Variants in HTR1E observed in about 807,000 individuals in gnomAD.
HTR1E encodes the protein 5-HT-1E.
Under a neutral mutation model 3.4 loss-of-function variants are expected in HTR1E, and 3 were observed. The observed-to-expected ratio is 0.89, with a 90% CI of 0.41 to 2.31. The LOEUF (loss-of-function observed/expected upper bound fraction) is 2.31. Ranked by LOEUF, HTR1E falls within the 30% of genes most tolerant of loss-of-function variation. HTR1E has a pLI of 0.05. For missense variants in HTR1E, 392 were observed against 467.0 expected (o/e 0.84, Z 1.48); for synonymous variants, 170 against 182.8 (o/e 0.93, Z 0.56).
intron 1 of HTR1E, among the ~76,000 whole-genome samples, chr6:87,001,116 T>C (rs1311908075): frequency 6.6e-6 from 1 of 152,166 alleles, no homozygotes; most frequent in Non-Finnish European, 1.5e-5. Flanking sequence ...AAGGGATTAT[T>C]TGCCAGCCTC....
Position 87,016,536 on chromosome 6 carries a change from T to C in HTR1E, c.*104T>C, listed in dbSNP as rs935072109. ...TTGAACATACTTGGTTCAGGAGAGT[T>C]TGTAAGTATGTGTGGTCTTGTTTCC... On this transcript the variant is annotated 3_prime_UTR_variant, in exon 2 of 2. Transcript: ENST00000305344. 9.5e-6 allele frequency: 9 copies of C among 944,824 alleles called. No individual in the cohort carries two copies. The highest frequency in any genetic ancestry group is 1.3e-5 in the Non-Finnish European group (8 of 630,858). 58.5% of individuals were successfully genotyped at this position (944,824 alleles called of 1,614,324 possible). A position where few individuals can be genotyped will look rare whatever the true frequency, so the allele number is the denominator to read the frequency against.
At chr6:86,977,553 A>G (rs1050843595) in intron 1 of HTR1E, among the ~76,000 whole-genome samples, 1 of 152,224 alleles carries the variant, frequency 6.6e-6, no homozygotes, top group African/African-American at 2.4e-5. Context: ...ATACCTAATA[A>G]TGGGATTGCT....
chr6:86,940,669 T>G (rs1039797580), intron 1 of HTR1E, among the ~76,000 whole-genome samples: 1 of 152,244 alleles, frequency 6.6e-6, no homozygotes, highest in Non-Finnish European at 1.5e-5. Flanking sequence ...AGATCATTTT[T>G]TTCATGTTTG....
chr6:86,971,206 A>T, intron 1 of HTR1E: 2 of 380,856 alleles, frequency 5.3e-6, no homozygotes, highest in Non-Finnish European at 5.0e-6. Context: ...GTCTACCATG[A>T]TTATTTTTAT....
At chr6:86,995,665 C>CAAAAAAAAAAAAAA (rs60134206) in intron 1 of HTR1E, among the ~76,000 whole-genome samples, 16 of 36,686 alleles carry the variant, frequency 4.4e-4, no homozygotes, top group Admixed American at 1.4e-3. Flanking sequence ...GACTCCATCT[C>CAAAAAAAAAAAAAA]AAAAAAAAAA....
chr6:87,014,052 T>A (rs1387609226), intron 1 of HTR1E, among the ~76,000 whole-genome samples: 2 of 151,990 alleles, frequency 1.3e-5, no homozygotes, highest in South Asian at 4.2e-4. Context: ...TAGGTGGGAA[T>A]TGAACAATGA....
chr6:86,958,876 T>A (rs1362305725), intron 1 of HTR1E, among the ~76,000 whole-genome samples: 2 of 151,604 alleles, frequency 1.3e-5, no homozygotes, highest in Non-Finnish European at 2.9e-5. Flanking sequence ...TTGGCCCAGC[T>A]CCCACACAGC....
At chr6:86,949,633 A>G (rs1767195954) in intron 1 of HTR1E, among the ~76,000 whole-genome samples, 1 of 152,168 alleles carries the variant, frequency 6.6e-6, no homozygotes. Flanking sequence ...GATTTAAGTT[A>G]CTAGCAATAA....
chr6:86,965,285 G>T (rs1233816396), intron 1 of HTR1E, among the ~76,000 whole-genome samples: 1 of 152,070 alleles, frequency 6.6e-6, no homozygotes, highest in Non-Finnish European at 1.5e-5. Context: ...TGATAATGAG[G>T]CTCTCACTCC....
intron 1 of HTR1E, among the ~76,000 whole-genome samples, chr6:86,999,529 G>A (rs1305353942): frequency 6.6e-6 from 1 of 152,134 alleles, no homozygotes; most frequent in Non-Finnish European, 1.5e-5. Context: ...CCATGTGACT[G>A]ACTAAGCCAC....
At chr6:87,002,647 G>C (rs1051344065) in intron 1 of HTR1E, among the ~76,000 whole-genome samples, 8 of 152,276 alleles carry the variant, frequency 5.3e-5, no homozygotes, top group African/African-American at 1.9e-4. Context: ...TAGACACAGA[G>C]TGCTGATCGG....
At chr6:87,000,013 G>C (rs2127829944) in intron 1 of HTR1E, 1 of 159,216 alleles carries the variant, frequency 6.3e-6, no homozygotes, top group East Asian at 1.7e-4. Flanking sequence ...AGATGGGCTG[G>C]GGTGCTGCTC....
At chr6:86,962,989 A>G (rs532297179) in intron 1 of HTR1E, among the ~76,000 whole-genome samples, 1 of 152,320 alleles carries the variant, frequency 6.6e-6, no homozygotes, top group South Asian at 2.1e-4. Flanking sequence ...CATTAAAAAA[A>G]TGTTAACTGA....
chr6:86,958,389 A>G (rs1767355012), intron 1 of HTR1E, among the ~76,000 whole-genome samples: 1 of 152,114 alleles, frequency 6.6e-6, no homozygotes, highest in African/African-American at 2.4e-5. Flanking sequence ...GCTCCTCACA[A>G]TGACCCCAAA....
intron 1 of HTR1E, among the ~76,000 whole-genome samples, chr6:87,010,086 G>A (rs535134586): frequency 1.5e-5 from 2 of 132,816 alleles, no homozygotes; most frequent in African/African-American, 5.9e-5. Flanking sequence ...CCTCCCGGAC[G>A]GGGTGGCTGG....
rs560668392 is a variant in HTR1E at position 87,006,620 on chromosome 6, C to T, written c.-185-8530C>T. 7.2e-4 allele frequency among the ~76,000 whole-genome samples: 110 copies of T among 152,284 alleles called. 1 individual carries two copies. The highest frequency in any genetic ancestry group is 2.5e-3 in the African/African-American group (105 of 41,552). On this transcript the variant is annotated intron_variant, in intron 1 of 1. Transcript: ENST00000305344. ...AATTATCCTATTATAAAGATACATGCATGTGTATGTTCACTGCAGCACTAT... is the reference window on the plus strand; with the variant it reads ...AATTATCCTATTATAAAGATACATGTATGTGTATGTTCACTGCAGCACTAT...
chr6:86,943,303 C>T (rs62440824), intron 1 of HTR1E, among the ~76,000 whole-genome samples: 35,065 of 152,040 alleles, frequency 0.23, 4,568 homozygotes, highest in African/African-American at 0.35. Context: ...AGAGAACAAA[C>T]TGACCTACCC....
chr6:86,962,875 T>C (rs1288765019), intron 1 of HTR1E, among the ~76,000 whole-genome samples: 2 of 152,066 alleles, frequency 1.3e-5, no homozygotes, highest in Non-Finnish European at 2.9e-5. Context: ...AATAAAAGCA[T>C]ACCACATACA....
At chr6:86,988,016 T>A (rs1298774668) in intron 1 of HTR1E, among the ~76,000 whole-genome samples, 3 of 152,160 alleles carry the variant, frequency 2.0e-5, no homozygotes, top group Non-Finnish European at 4.4e-5. Context: ...AGCACAGGTA[T>A]CCATATTATC....
Sources: gnomAD v4.1 joint callset for allele counts (sites outside exome capture counted in the v4.1 genomes callset) on GRCh38, gnomAD v4.1.1 for gene constraint, MANE v1.5 for transcripts, NCBI Gene and HGNC (gene_info 2026-07-23, HGNC 2026-07-21) for gene names.